The following CROCC2 variants were observed in gnomAD, a reference collection of about 807,000 sequenced individuals.
CROCC2 encodes ciliary rootlet coiled-coil, rootletin family member 2.
In CROCC2, 163 loss-of-function variants were observed where a neutral mutation model predicts 177.6. The ratio of observed to expected loss-of-function variants is 0.92; its 90% CI spans 0.81 to 1.05. The LOEUF (loss-of-function observed/expected upper bound fraction) is 1.05. CROCC2 is among the 50% of genes least tolerant of loss of function. The pLI, the probability that CROCC2 is intolerant of heterozygous loss-of-function variation, is 0.00. For synonymous variants in CROCC2, 904 were observed against 787.3 expected, an observed-to-expected ratio of 1.15 and a Z score of -2.48; for missense variants, 1,929 against 1,797.8, an observed-to-expected ratio of 1.07 and a Z score of -1.32.
At chr2:240,930,381 C>A in intron 6 of CROCC2, 112 bp downstream of exon 6, 1 of 431,616 alleles carries the variant, frequency 2.3e-6, no homozygotes, top group Non-Finnish European at 4.2e-6. Flanking sequence ...GGTGCAGTAG[C>A]CCTGGCCTGC....
rs2059333598 is a variant in CROCC2, at chr2:240,918,417, C to T, written c.79-309C>T. ...TCAGCATCCCCTAGGGAACTGGCAA[C>T]CGCTTAGCCAGCGCTCAGCCCAGCC... On this transcript the variant is annotated intron_variant, in intron 1 of 31. Transcript: ENST00000690015. The surrounding 1 kb of genome is among the most constrained non-coding windows in gnomAD (Gnocchi z 6.3). Among the ~76,000 whole-genome samples the T allele has an allele frequency of 6.6e-6, 1 of 152,242 alleles. No homozygotes were observed. Among genetic ancestry groups the T allele is most frequent in the Non-Finnish European group, 1.5e-5 (1 of 68,040 alleles).
rs546704722 is a variant in CROCC2 at position 240,917,779 on chromosome 2, G to C, written c.79-947G>C. ...TCAGATATCCTTAAGGCAGCAGGCC[G>C]GGGACAGCTGTGGCCTTGCGTATTC... On this transcript the variant is annotated intron_variant, in intron 1 of 31. Coordinates refer to ENST00000690015, the MANE Select transcript of CROCC2 (RefSeq NM_001351305.2). This position sits in a 1 kb window ranked among gnomAD's most constrained non-coding sequence, Gnocchi z 4.9. Among the ~76,000 whole-genome samples the C allele has an allele frequency of 9.8e-4, 150 of 152,320 alleles. No homozygotes were observed. Among genetic ancestry groups the C allele is most frequent in the Non-Finnish European group, 1.9e-3 (127 of 68,016 alleles).
At chr2:240,954,741 C>T (rs1375392672) in intron 18 of CROCC2, 1 of 152,204 alleles carries the variant, frequency 6.6e-6, no homozygotes, top group Non-Finnish European at 1.5e-5. Context: ...TGGCTCAAAG[C>T]CCCAACCCTC....
chr2:240,982,599 C>A lies in CROCC2; in HGVS notation c.4402-281C>A. The A allele has an allele frequency of 6.5e-6, 2 of 309,914 alleles. No individual in the cohort carries two copies. Among genetic ancestry groups the A allele is most frequent in the Non-Finnish European group, 1.2e-5 (2 of 169,650 alleles). The allele number at this position is 309,914 out of a possible 1,614,324, so 19.2% of individuals were successfully genotyped here. A position where few individuals can be genotyped will look rare whatever the true frequency, so the allele number is the denominator to read the frequency against. On this transcript the variant is annotated intron_variant, in intron 27 of 31. Transcript: ENST00000690015. The surrounding 1 kb of genome is among the most constrained non-coding windows in gnomAD (Gnocchi z 4.7). ...ATGTGCCCTCTGAGACCACTGGCTG[C>A]AGCAGAGAACCTGCCAAGCCCAAGT...
rs2059665496 is a variant in CROCC2 at position 240,964,602 on chromosome 2, G to A, written c.3442G>A (p.Glu1148Lys). 2 of 1,549,268 alleles carry A rather than the reference G, an allele frequency of 1.3e-6. No homozygotes were observed. The highest frequency in any genetic ancestry group is 1.4e-5 in the African/African-American group (1 of 73,004). Residue 1148 changes from glutamate (E) to lysine (K), a missense_variant, in exon 22 of 32, where the codon GAG becomes AAG. Glu to Lys is a moderately conservative substitution (Grantham distance 56). This residue lies in a region of CROCC2 where 1,397 missense variants were observed against 1,239.9 expected (regional missense o/e 1.13). Coordinates refer to ENST00000690015, the MANE Select transcript of CROCC2 (RefSeq NM_001351305.2). Reference sequence around the variant, plus strand: ...GCAGGCAGGGGGGGACGCCCGTCAGGAGCTCCGGGAACTCCACAGACAGGT... The same window carrying A: ...GCAGGCAGGGGGGGACGCCCGTCAGAAGCTCCGGGAACTCCACAGACAGGT... ...LEQAGGDARQ[E>K]LRELHRQVRT...
chr2:240,940,118 G>T (rs1349089810), intron 14 of CROCC2, among the ~76,000 whole-genome samples: 1 of 151,896 alleles, frequency 6.6e-6, no homozygotes, highest in African/African-American at 2.4e-5. Context: ...GGTTGTTTTT[G>T]TCTACTTGCT....
intron 14 of CROCC2, among the ~76,000 whole-genome samples, chr2:240,937,685 T>G (rs1417548736): frequency 1.3e-5 from 2 of 152,224 alleles, no homozygotes; most frequent in Admixed American, 1.3e-4. Flanking sequence ...TTTATTTTTA[T>G]GGACAGCAGG....
rs570397396 is a variant in CROCC2, at chr2:240,935,439, C to CA, written c.2021dup (p.Ala675GlyfsTer87). The CA allele has an allele frequency of 8.0e-4, 1,093 of 1,368,136 alleles. 1 individual carries two copies. Among genetic ancestry groups the CA allele is most frequent in the Non-Finnish European group, 9.7e-4 (1,021 of 1,055,202 alleles). 84.7% of individuals were successfully genotyped at this position (1,368,136 alleles called of 1,614,324 possible). A position where few individuals can be genotyped will look rare whatever the true frequency, so the allele number is the denominator to read the frequency against. On this transcript the variant is annotated frameshift_variant, in exon 14 of 32. Transcript: ENST00000690015. LOFTEE classifies it high-confidence loss of function. Reference sequence around the variant, plus strand: ...GGCCCGGGCCGGGGAGCAGCTGGCACAGGCGGAGCAGCAGCTGGCGCTGGA... The same window carrying CA: ...GGCCCGGGCCGGGGAGCAGCTGGCACAAGGCGGAGCAGCAGCTGGCGCTGGA...
At position 240,963,662 on chromosome 2, in the gene CROCC2, C is replaced by T. The variant is rs2059657830; in HGVS notation, c.3194C>T (p.Ala1065Val). Residue 1065 changes from alanine (A) to valine (V), a missense_variant, in exon 21 of 32, where the codon GCC becomes GTC. This residue lies in a region of CROCC2 where 1,397 missense variants were observed against 1,239.9 expected (regional missense o/e 1.13). Coordinates refer to ENST00000690015, the MANE Select transcript of CROCC2 (RefSeq NM_001351305.2). ...EESREGLHRE[A>V]QEARRALSDE... ...AGCCGGGAGGGGCTGCACAGGGAGGCCCAGGAGGCCCGCCGGGCGCTGAGT... is the reference window on the plus strand; with the variant it reads ...AGCCGGGAGGGGCTGCACAGGGAGGTCCAGGAGGCCCGCCGGGCGCTGAGT... 2 of 1,549,822 alleles carry T rather than the reference C, an allele frequency of 1.3e-6. No individual in the cohort carries two copies. The highest frequency in any genetic ancestry group is 1.4e-5 in the African/African-American group (1 of 73,000).
chr2:240,988,640 AGTCCTTC>A, intron 28 of CROCC2, 92 bp from the exon 29 acceptor site: 1 of 1,206,964 alleles, frequency 8.3e-7, no homozygotes, highest in South Asian at 3.2e-5. Context: ...GGGAATTCAG[AGTCCTTC>A]CCAGAGGCAA....
In CROCC2 at chr2:240,946,144, G is replaced by A. The variant is rs559855294; in HGVS notation, c.2254G>A (p.Ala752Thr). ...QEAQMGTLQQ[A>T]LQGKDALSEE... ...GGCCCAGATGGGCACTCTGCAGCAAGCCCTGCAAGGAAAGGATGCTCTGTC... is the reference window on the plus strand; with the variant it reads ...GGCCCAGATGGGCACTCTGCAGCAAACCCTGCAAGGAAAGGATGCTCTGTC... Residue 752 changes from alanine (A) to threonine (T), a missense_variant, in exon 15 of 32, where the codon GCC becomes ACC. By Grantham distance (58) the Ala-to-Thr change is moderately conservative. Coordinates refer to ENST00000690015, the MANE Select transcript of CROCC2 (RefSeq NM_001351305.2). 10 of 1,548,422 alleles carry A rather than the reference G, an allele frequency of 6.5e-6. No homozygotes were observed. In the East Asian group the frequency reaches 1.7e-4, roughly 27 times the overall value.
At chr2:240,942,698 A>T (rs1383935452) in intron 14 of CROCC2, among the ~76,000 whole-genome samples, 1 of 152,164 alleles carries the variant, frequency 6.6e-6, no homozygotes, top group African/African-American at 2.4e-5. Context: ...GCTGCTTTGT[A>T]ACTGTACTTC....
In CROCC2 at chr2:240,964,583, A is replaced by AC. The variant is rs1559607912; in HGVS notation, c.3423_3424insC (p.Gly1142ArgfsTer31). Reference sequence around the variant, plus strand: ...CCCACCTGTGGGAGCTGGAGCAGGCAGGGGGGGACGCCCGTCAGGAGCTCC... The same window carrying AC: ...CCCACCTGTGGGAGCTGGAGCAGGCACGGGGGGGACGCCCGTCAGGAGCTCC... On this transcript the variant is annotated frameshift_variant, in exon 22 of 32. Transcript: ENST00000690015. LOFTEE classifies it high-confidence loss of function. 1.9e-6 allele frequency: 3 copies of AC among 1,549,554 alleles called. No homozygotes were observed. The highest frequency in any genetic ancestry group is 2.0e-5 in the Admixed American group (1 of 50,970).
intron 14 of CROCC2, among the ~76,000 whole-genome samples, chr2:240,939,805 C>T (rs996167054): frequency 2.6e-5 from 4 of 151,968 alleles, no homozygotes; most frequent in South Asian, 2.1e-4. Flanking sequence ...TTCTTTGCCC[C>T]GTGGATTATT....
In CROCC2 at chr2:240,949,560, G is replaced by A; in HGVS notation, c.2510G>A (p.Trp837Ter). Residue 837 changes from tryptophan to a stop codon, truncating the protein, a stop_gained, in exon 17 of 32, where the codon TGG becomes TAG. Transcript: ENST00000690015. LOFTEE classifies it high-confidence loss of function. This position sits in a 1 kb window ranked among gnomAD's most constrained non-coding sequence, Gnocchi z 4.5. ...QVEMEQLQSD[W>*]EVQEMKLRQD... Reference sequence around the variant, plus strand: ...GAAATGGAGCAGCTACAAAGTGACTGGGAGGTCCAGGAAATGAAGCTGCGG... The same window carrying A: ...GAAATGGAGCAGCTACAAAGTGACTAGGAGGTCCAGGAAATGAAGCTGCGG... 3 of 1,550,596 alleles carry A rather than the reference G, an allele frequency of 1.9e-6. No homozygotes were observed. The highest frequency in any genetic ancestry group is 2.6e-6 in the Non-Finnish European group (3 of 1,146,952).
chr2:240,940,781 T>G (rs1187183098), intron 14 of CROCC2, among the ~76,000 whole-genome samples: 1 of 152,108 alleles, frequency 6.6e-6, no homozygotes, highest in African/African-American at 2.4e-5. Flanking sequence ...CCCTGAGAAC[T>G]GGAAGAAGAC....
At chr2:240,919,935 TGG>T in intron 2 of CROCC2, 46 bp from the exon 3 acceptor site, 2 of 693,072 alleles carry the variant, frequency 2.9e-6, no homozygotes, top group Non-Finnish European at 5.4e-6. Flanking sequence ...AGGCTGAGTG[TGG>T]GTGGGCCCTG....
At chr2:240,971,208 A>C (rs1247573635) in intron 27 of CROCC2, among the ~76,000 whole-genome samples, 1 of 152,194 alleles carries the variant, frequency 6.6e-6, no homozygotes, top group East Asian at 1.9e-4. Flanking sequence ...GGTGAGACCC[A>C]CCTGGGTGGT....
At chr2:240,963,449 G>A in intron 20 of CROCC2, 107 bp from the exon 21 acceptor site, 1 of 1,206,102 alleles carries the variant, frequency 8.3e-7, no homozygotes, top group Non-Finnish European at 1.1e-6. Flanking sequence ...ACCAAGTTGG[G>A]CAGGGCACCT....
Sources: gnomAD v4.1 joint callset for allele counts (sites outside exome capture counted in the v4.1 genomes callset) on GRCh38, gnomAD v4.1.1 for gene constraint, gnomAD v4.1.1 regional missense constraint, Gnocchi (gnomAD v3.1) non-coding constraint, MANE v1.5 for transcripts, NCBI Gene and HGNC (gene_info 2026-07-23, HGNC 2026-07-21) for gene names.